MORC3: variants seen among roughly 807,000 people sequenced by gnomAD.
The protein encoded by MORC3 is MORC family CW-type zinc finger 3, also known as MORC family CW-type zinc finger protein 3.
A neutral mutation model predicts 109.1 loss-of-function variants in MORC3; 31 were observed. The ratio of observed to expected loss-of-function variants is 0.28; its 90% CI spans 0.21 to 0.38. The LOEUF (loss-of-function observed/expected upper bound fraction) is 0.38. MORC3 is among the 10% of genes least tolerant of loss of function. The pLI, the probability that MORC3 is intolerant of heterozygous loss-of-function variation, is 1.00. For synonymous variants in MORC3, 395 were observed against 380.7 expected, an observed-to-expected ratio of 1.04 and a Z score of -0.44; for missense variants, 867 against 1,135.8, an observed-to-expected ratio of 0.76 and a Z score of 3.40.
intron 1 of MORC3, among the ~76,000 whole-genome samples, chr21:36,321,868 C>T (rs1224133397): frequency 6.6e-6 from 1 of 152,154 alleles, no homozygotes; most frequent in African/African-American, 2.4e-5. Context: ...TAGACTCTGG[C>T]TCTTCAAGAT....
intron 10 of MORC3, 146 bp from the exon 11 acceptor site, chr21:36,359,809 C>G: frequency 8.5e-7 from 1 of 1,182,864 alleles, no homozygotes; most frequent in Non-Finnish European, 1.2e-6. Flanking sequence ...GCCGTCGCAC[C>G]CAGCCTAATT....
At chr21:36,355,516 C>A (rs1021205797) in intron 9 of MORC3, among the ~76,000 whole-genome samples, 1 of 152,168 alleles carries the variant, frequency 6.6e-6, no homozygotes, top group Admixed American at 6.6e-5. Context: ...GATCATAAAC[C>A]TGACTACATT....
chr21:36,350,861 C>T (rs1240616386), intron 9 of MORC3, among the ~76,000 whole-genome samples: 1 of 152,024 alleles, frequency 6.6e-6, no homozygotes, highest in Non-Finnish European at 1.5e-5. Context: ...TAAAACAATA[C>T]ATAATAGTTC....
At chr21:36,326,938 C>T (rs1015467674) in intron 1 of MORC3, among the ~76,000 whole-genome samples, 2 of 151,472 alleles carry the variant, frequency 1.3e-5, no homozygotes, top group African/African-American at 4.9e-5. Context: ...GCCTCAGCCT[C>T]CCTAGTAGCT....
chr21:36,375,189 A>C lies in MORC3; in HGVS notation c.2713A>C (p.Met905Leu). 6.2e-7 allele frequency: 1 copy of C among 1,613,980 alleles called. No individual in the cohort carries two copies. The highest frequency in any genetic ancestry group is 8.5e-7 in the Non-Finnish European group (1 of 1,179,904). Residue 905 changes from methionine to leucine, a missense_variant, in exon 17 of 17, where the codon ATG (methionine) becomes CTG (leucine). This residue lies in a region of MORC3 where 7 missense variants were observed against 23.4 expected (regional missense o/e 0.30). Transcript: ENST00000400485. ...AGTTAACGTAGGACAACTGCTGGCT[A>C]TGATTGTGCCTGATCTTGATCTTCA... ...LRVNVGQLLA[M>L]IVPDLDLQQV...
intron 1 of MORC3, among the ~76,000 whole-genome samples, chr21:36,333,112 C>T (rs574531324): frequency 6.6e-6 from 1 of 152,086 alleles, no homozygotes; most frequent in Non-Finnish European, 1.5e-5. Context: ...TATTTGAATT[C>T]TTTGAAGAGT....
intron 14 of MORC3, 130 bp from the exon 15 acceptor site, chr21:36,368,858 C>T: frequency 1.2e-6 from 1 of 834,468 alleles, no homozygotes; most frequent in Non-Finnish European, 1.8e-6. Context: ...GCCTGGGCGA[C>T]AGAGTGACAC....
intron 9 of MORC3, among the ~76,000 whole-genome samples, chr21:36,350,331 G>C (rs534184757): frequency 1.3e-5 from 2 of 152,000 alleles, no homozygotes; most frequent in Admixed American, 1.3e-4. Flanking sequence ...CACGTACAGT[G>C]GCTTACACCT....
chr21:36,353,412 C>T (rs540798792), intron 9 of MORC3, among the ~76,000 whole-genome samples: 3 of 145,778 alleles, frequency 2.1e-5, no homozygotes, highest in South Asian at 2.2e-4. Flanking sequence ...CAGGCCGGTG[C>T]GGTGGCTCAC....
chr21:36,364,369 T>A, intron 14 of MORC3, 110 bp downstream of exon 14: 2 of 1,188,400 alleles, frequency 1.7e-6, no homozygotes, highest in Non-Finnish European at 2.4e-6. Flanking sequence ...CATTGTGAAT[T>A]GTAGGTTCCA....
chr21:36,321,496 G>A (rs1462613046), intron 1 of MORC3, among the ~76,000 whole-genome samples: 1 of 151,176 alleles, frequency 6.6e-6, no homozygotes. Context: ...AGCTTATTGA[G>A]TGAGCTAGGC....
chr21:36,356,806 A>G lies in MORC3; in HGVS notation c.1208+82A>G, dbSNP rs2085650834. 1.2e-5 allele frequency: 10 copies of G among 858,502 alleles called. 1 individual carries two copies. In the South Asian group the frequency reaches 1.7e-4, roughly 15 times the overall value. 53.2% of individuals were successfully genotyped at this position (858,502 alleles called of 1,614,324 possible). On this transcript the variant is annotated intron_variant, in intron 10 of 16. Transcript: ENST00000400485. ...GAGTAAAGGGATTGTACAATGTTTC[A>G]CAAACTTAGGACTGTAACTCATAGG... is the stretch of plus-strand genomic sequence containing the variant.
chr21:36,347,758 G>A (rs780256275), intron 8 of MORC3: 3 of 152,192 alleles, frequency 2.0e-5, no homozygotes, highest in Non-Finnish European at 2.9e-5. Flanking sequence ...AGTCTGGAAG[G>A]GCTTTCCAGG....
chr21:36,349,222 A>G (rs2085545439), intron 8 of MORC3, 89 bp from the exon 9 acceptor site: 3 of 814,836 alleles, frequency 3.7e-6, no homozygotes, highest in South Asian at 3.3e-5. Context: ...TAAAATATAG[A>G]AAAATATACA....
Position 36,326,251 on chromosome 21 carries a change from C to T in MORC3, c.39+5948C>T, listed in dbSNP as rs564798117. On this transcript the variant is annotated intron_variant, in intron 1 of 16. Coordinates refer to ENST00000400485, the MANE Select transcript of MORC3 (RefSeq NM_015358.3). ...AAATTATTGTTAATTTGGCCAGGCT[C>T]GGTGGCTCATGCCTGTAATCCCAGC... Among the ~76,000 whole-genome samples, 463 of 150,044 alleles carry T rather than the reference C, an allele frequency of 3.1e-3. 8 individuals carry two copies. Among genetic ancestry groups the T allele is most frequent in the Non-Finnish European group, 3.6e-3 (244 of 67,594 alleles).
intron 10 of MORC3, among the ~76,000 whole-genome samples, chr21:36,358,863 T>C (rs902169119): frequency 7.9e-5 from 12 of 151,976 alleles, no homozygotes; most frequent in Admixed American, 4.6e-4. Context: ...GTATTTTTAG[T>C]AGAGATGGGG....
chr21:36,327,200 G>T (rs2085258777), intron 1 of MORC3, among the ~76,000 whole-genome samples: 2 of 132,234 alleles, frequency 1.5e-5, no homozygotes, highest in African/African-American at 3.0e-5. Context: ...ACACTCCCAG[G>T]CTGGAGTGTA....
intron 2 of MORC3, among the ~76,000 whole-genome samples, chr21:36,336,001 T>C (rs1201115433): frequency 6.6e-6 from 1 of 151,682 alleles, no homozygotes; most frequent in Non-Finnish European, 1.5e-5. Flanking sequence ...TCTCAGCTCA[T>C]TGCAACCTCC....
At chr21:36,355,840 C>T (rs962492709) in intron 9 of MORC3, among the ~76,000 whole-genome samples, 8 of 151,888 alleles carry the variant, frequency 5.3e-5, no homozygotes, top group African/African-American at 1.9e-4. Flanking sequence ...CCTGTGGCCC[C>T]AGCTACTCAG....
Sources: allele counts gnomAD v4.1 joint callset (sites outside exome capture counted in the v4.1 genomes callset), GRCh38; gene constraint gnomAD v4.1.1; regional missense constraint gnomAD v4.1.1; transcripts MANE v1.5; gene names NCBI Gene and HGNC (gene_info 2026-07-23, HGNC 2026-07-21).